The following ARAP2 variants were observed in gnomAD, a reference collection of about 807,000 sequenced individuals.
ARAP2 encodes the protein arf-GAP with Rho-GAP domain, ANK repeat and PH domain-containing protein 2.
In ARAP2, 148 loss-of-function variants were observed where a neutral mutation model predicts 194.5. The ratio of observed to expected loss-of-function variants is 0.76; its 90% CI spans 0.67 to 0.87. ARAP2 has a LOEUF of 0.87. Ranked by LOEUF, ARAP2 falls within the 40% of genes least tolerant of loss-of-function variation. ARAP2 has a pLI of 0.00. For missense variants in ARAP2, 2,128 were observed against 1,989.7 expected (o/e 1.07, Z -1.32); for synonymous variants, 695 against 683.5 (o/e 1.02, Z -0.26).
intron 8 of ARAP2, among the ~76,000 whole-genome samples, chr4:36,181,583 T>C (rs1386936526): frequency 6.6e-6 from 1 of 152,196 alleles, no homozygotes; most frequent in Non-Finnish European, 1.5e-5. Flanking sequence ...TCTGATATGT[T>C]AATATGATCT....
chr4:36,146,004 C>A (rs1266071582), intron 19 of ARAP2, among the ~76,000 whole-genome samples: 1 of 151,980 alleles, frequency 6.6e-6, no homozygotes, highest in African/African-American at 2.4e-5. Context: ...TCCGAGTTAC[C>A]ATTCCCAAAA....
chr4:36,171,712 A>G (rs978959220), intron 9 of ARAP2, among the ~76,000 whole-genome samples: 1 of 152,166 alleles, frequency 6.6e-6, no homozygotes, highest in Admixed American at 6.5e-5. Flanking sequence ...GGCATGCAGT[A>G]AGTACTACAC....
At chr4:36,148,876 T>C (rs1730277953) in intron 16 of ARAP2, among the ~76,000 whole-genome samples, 1 of 152,146 alleles carries the variant, frequency 6.6e-6, no homozygotes, top group South Asian at 2.1e-4. Flanking sequence ...CAAACAGTTT[T>C]TAACCCTCTT....
At chr4:36,017,061 C>T (rs754996958) in intron 6 of ARAP2, among the ~76,000 whole-genome samples, 2 of 151,846 alleles carry the variant, frequency 1.3e-5, no homozygotes, top group Admixed American at 6.6e-5. Context: ...TGAAATTGCA[C>T]AAGCCTGAAA....
chr4:36,161,172 C>CACAT (rs1553925129), intron 12 of ARAP2, among the ~76,000 whole-genome samples: 21 of 150,666 alleles, frequency 1.4e-4, no homozygotes, highest in African/African-American at 5.1e-4. Context: ...CACACACACA[C>CACAT]ACACACACAC....
chr4:36,207,206 T>C (rs1450677687), intron 6 of ARAP2, among the ~76,000 whole-genome samples: 1 of 152,232 alleles, frequency 6.6e-6, no homozygotes, highest in Non-Finnish European at 1.5e-5. Flanking sequence ...TCTATGCAAA[T>C]CTGCTGAAAA....
intron 6 of ARAP2, chr4:36,209,539 GT>G (rs921059784): frequency 1.2e-4 from 37 of 308,850 alleles, no homozygotes; most frequent in Admixed American, 3.7e-4. Context: ...GCTTCTGGTA[GT>G]TTTTTTTTCC....
At chr4:36,158,178 C>T (rs553137187) in intron 15 of ARAP2, among the ~76,000 whole-genome samples, 7 of 152,022 alleles carry the variant, frequency 4.6e-5, no homozygotes, top group Non-Finnish European at 8.8e-5. Flanking sequence ...AATAAATGCC[C>T]CATTGTAACT....
intron 27 of ARAP2, among the ~76,000 whole-genome samples, chr4:36,100,997 G>A (rs536575535): frequency 6.6e-6 from 1 of 151,982 alleles, no homozygotes; most frequent in South Asian, 2.1e-4. Context: ...ATCAAAAAAT[G>A]TTTGAAAAAC....
At chr4:36,220,378 A>G (rs1560701431) in intron 2 of ARAP2, among the ~76,000 whole-genome samples, 1 of 152,294 alleles carries the variant, frequency 6.6e-6, no homozygotes, top group East Asian at 1.9e-4. Context: ...ACCACAGTAC[A>G]ACACGTTATT....
chr4:36,087,734 T>C (rs960958974), intron 28 of ARAP2, among the ~76,000 whole-genome samples: 2 of 152,124 alleles, frequency 1.3e-5, no homozygotes, highest in African/African-American at 4.8e-5. Flanking sequence ...TTAAAAATGT[T>C]TGATACTATT....
chr4:36,083,228 G>A (rs573591707), intron 29 of ARAP2, 140 bp downstream of exon 29: 2 of 652,696 alleles, frequency 3.1e-6, no homozygotes, highest in South Asian at 3.5e-5. Flanking sequence ...AGAACCCTGT[G>A]ACAGGGGAAG....
At chr4:36,082,945 C>G (rs1434884544) in intron 29 of ARAP2, among the ~76,000 whole-genome samples, 2 of 152,072 alleles carry the variant, frequency 1.3e-5, no homozygotes, top group African/African-American at 2.4e-5. Flanking sequence ...ATTACAGAGC[C>G]AGAACCAAAA....
At chr4:36,133,436 A>G in intron 19 of ARAP2, 47 bp from the exon 20 acceptor site, 1 of 1,541,268 alleles carries the variant, frequency 6.5e-7, no homozygotes. Context: ...GCTCTTTAAA[A>G]AAAAATCTTA....
chr4:36,020,569 G>A (rs1030460155), intron 5 of ARAP2, among the ~76,000 whole-genome samples: 4 of 152,268 alleles, frequency 2.6e-5, no homozygotes, highest in Non-Finnish European at 5.9e-5. Flanking sequence ...GGAGTGGATG[G>A]CATGAGATTT....
chr4:36,199,015 G>GC (rs1262373903), intron 6 of ARAP2, among the ~76,000 whole-genome samples: 7 of 152,220 alleles, frequency 4.6e-5, no homozygotes, highest in Non-Finnish European at 7.3e-5. Context: ...GGGTCCCACA[G>GC]CCACAGCTTG....
chr4:36,090,730 AG>A (rs1713383108), intron 28 of ARAP2, among the ~76,000 whole-genome samples: 1 of 152,122 alleles, frequency 6.6e-6, no homozygotes, highest in Non-Finnish European at 1.5e-5. Context: ...GGACACATAG[AG>A]GGGAACAACA....
chr4:36,171,966 A>G (rs1367651978), intron 9 of ARAP2, among the ~76,000 whole-genome samples: 1 of 152,238 alleles, frequency 6.6e-6, no homozygotes, highest in Non-Finnish European at 1.5e-5. Flanking sequence ...AAAAATAGGC[A>G]TGAGCCAGGG....
chr4:36,058,696 G>T (rs13152028), intron 1 of ARAP2, among the ~76,000 whole-genome samples: 60,758 of 151,994 alleles, frequency 0.4, 13,948 homozygotes, highest in South Asian at 0.53. Context: ...ATATGTTTCA[G>T]TAGTGAATAT....
Sources: gnomAD v4.1 joint callset for allele counts (sites outside exome capture counted in the v4.1 genomes callset) on GRCh38, gnomAD v4.1.1 for gene constraint, MANE v1.5 for transcripts, NCBI Gene and HGNC (gene_info 2026-07-23, HGNC 2026-07-21) for gene names.